The following PLEKHA5 variants were observed in gnomAD, a reference collection of about 807,000 sequenced individuals.
PLEKHA5 encodes pleckstrin homology domain-containing family A member 5.
In PLEKHA5, 55 loss-of-function variants were observed where a neutral mutation model predicts 181.9. The observed-to-expected ratio is 0.30, with a 90% CI of 0.24 to 0.38. PLEKHA5 has a LOEUF of 0.38. Ranked by LOEUF, PLEKHA5 falls within the 10% of genes least tolerant of loss-of-function variation. PLEKHA5 has a pLI of 1.00. For synonymous variants in PLEKHA5, 535 were observed against 529.4 expected (o/e 1.01, Z -0.15); for missense variants, 1,432 against 1,549.5 (o/e 0.92, Z 1.27).
At chr12:19,135,286 G>T (rs1400685559) in intron 3 of PLEKHA5, among the ~76,000 whole-genome samples, 1 of 152,128 alleles carries the variant, frequency 6.6e-6, no homozygotes, top group African/African-American at 2.4e-5. Flanking sequence ...GTGGTAAGAG[G>T]AGAGGATTGT....
At chr12:19,216,201 G>A (rs1438087870) in intron 3 of PLEKHA5, among the ~76,000 whole-genome samples, 1 of 152,088 alleles carries the variant, frequency 6.6e-6, no homozygotes, top group Non-Finnish European at 1.5e-5. Flanking sequence ...AACACTGGGT[G>A]GTATAATAGA....
At chr12:19,275,834 T>C (rs1243661435) in intron 11 of PLEKHA5, among the ~76,000 whole-genome samples, 2 of 152,204 alleles carry the variant, frequency 1.3e-5, no homozygotes, top group Non-Finnish European at 2.9e-5. Flanking sequence ...TTTCTTAATA[T>C]ATTTATTTTG....
intron 11 of PLEKHA5, among the ~76,000 whole-genome samples, chr12:19,281,328 G>C (rs1274147926): frequency 6.6e-6 from 1 of 151,988 alleles, no homozygotes; most frequent in Non-Finnish European, 1.5e-5. Context: ...TGTAATCCTG[G>C]CACTTTAGGA....
At chr12:19,166,351 G>A (rs992457545) in intron 3 of PLEKHA5, among the ~76,000 whole-genome samples, 2 of 152,142 alleles carry the variant, frequency 1.3e-5, no homozygotes, top group Non-Finnish European at 2.9e-5. Context: ...TAAATGTCTT[G>A]CATCTAATGT....
chr12:19,254,595 C>T (rs1024090117), intron 4 of PLEKHA5, among the ~76,000 whole-genome samples: 2 of 151,966 alleles, frequency 1.3e-5, no homozygotes, highest in Admixed American at 6.5e-5. Flanking sequence ...CCAAGGTGGG[C>T]GAATCACTTG....
chr12:19,287,407 C>T, intron 12 of PLEKHA5, 66 bp from the exon 13 acceptor site: 4 of 867,168 alleles, frequency 4.6e-6, no homozygotes, highest in Non-Finnish European at 5.8e-6. Context: ...AAGATTTCTC[C>T]TTGCTGACAT....
intron 8 of PLEKHA5, among the ~76,000 whole-genome samples, chr12:19,266,388 G>A (rs569022190): frequency 2.5e-4 from 38 of 152,078 alleles, no homozygotes; most frequent in African/African-American, 8.9e-4. Flanking sequence ...GGAGGCCGAG[G>A]TGAAAGGATC....
At chr12:19,145,196 G>C (rs1239630057) in intron 3 of PLEKHA5, among the ~76,000 whole-genome samples, 1 of 152,056 alleles carries the variant, frequency 6.6e-6, no homozygotes, top group Non-Finnish European at 1.5e-5. Flanking sequence ...GTGTGTGAGA[G>C]AGAGAGAGAC....
At chr12:19,353,155 A>T (rs1437254604) in intron 25 of PLEKHA5, among the ~76,000 whole-genome samples, 3 of 148,506 alleles carry the variant, frequency 2.0e-5, no homozygotes, top group African/African-American at 5.0e-5. Context: ...TTATTTATTT[A>T]TTTTTTTATT....
rs555354650 is a variant in PLEKHA5, at chr12:19,228,326, C to A, written c.228-25614C>A. On this transcript the variant is annotated intron_variant, in intron 3 of 31. Transcript: ENST00000429027. ...GCATTATACAACTAAGCCAAACTAA[C>A]CATTTCATTTTTACCCCAATATATT... 2.6e-5 allele frequency among the ~76,000 whole-genome samples: 4 copies of A among 152,308 alleles called. No individual in the cohort carries two copies. In the East Asian group the frequency reaches 7.7e-4, roughly 29 times the overall value.
intron 5 of PLEKHA5, 57 bp downstream of exon 5, chr12:19,255,222 T>C: frequency 9.6e-7 from 1 of 1,036,510 alleles, no homozygotes; most frequent in Non-Finnish European, 1.3e-6. Context: ...ATCTATACCG[T>C]TACTCATAAT....
At chr12:19,268,051 A>G (rs892159626) in intron 8 of PLEKHA5, among the ~76,000 whole-genome samples, 1 of 152,308 alleles carries the variant, frequency 6.6e-6, no homozygotes, top group East Asian at 1.9e-4. Context: ...GACGGCCTCA[A>G]TGAGAAGGTA....
chr12:19,168,535 T>C (rs1162838790), intron 3 of PLEKHA5, among the ~76,000 whole-genome samples: 1 of 150,958 alleles, frequency 6.6e-6, no homozygotes, highest in Non-Finnish European at 1.5e-5. Flanking sequence ...GTAGGAGAAA[T>C]AAAATTTGAT....
At chr12:19,304,863 C>T (rs188653051) in intron 15 of PLEKHA5, among the ~76,000 whole-genome samples, 53 of 151,386 alleles carry the variant, frequency 3.5e-4, no homozygotes, top group Middle Eastern at 3.4e-3. Context: ...GGGAGGCCAA[C>T]ACGGGTGGAT....
intron 21 of PLEKHA5, among the ~76,000 whole-genome samples, chr12:19,338,421 A>G (rs2093623566): frequency 6.6e-6 from 1 of 151,904 alleles, no homozygotes; most frequent in Admixed American, 6.5e-5. Context: ...GAAGTTTGAG[A>G]CCAGCCTGGC....
rs555341586 is a variant in PLEKHA5 at position 19,200,768 on chromosome 12, A to G, written c.228-53172A>G. 7 of 717,106 alleles carry G rather than the reference A, an allele frequency of 9.8e-6. No homozygotes were observed. The East Asian group carries it at 6.5e-4, about 67-fold the overall frequency. 44.4% of individuals were successfully genotyped at this position (717,106 alleles called of 1,614,324 possible). Reference sequence around the variant, plus strand: ...TCACTGGGGGAAAATGAATGATTCAATAAATGATGTTATGATAATTAGATA... The same window carrying G: ...TCACTGGGGGAAAATGAATGATTCAGTAAATGATGTTATGATAATTAGATA... On this transcript the variant is annotated intron_variant, in intron 3 of 31. Transcript: ENST00000429027.
At chr12:19,181,372 A>G (rs1195416008) in intron 3 of PLEKHA5, among the ~76,000 whole-genome samples, 1 of 152,266 alleles carries the variant, frequency 6.6e-6, no homozygotes, top group Non-Finnish European at 1.5e-5. Flanking sequence ...ATAATTGTAT[A>G]GCATTGAAAT....
chr12:19,278,426 A>G (rs1362453852), intron 11 of PLEKHA5, among the ~76,000 whole-genome samples: 1 of 152,166 alleles, frequency 6.6e-6, no homozygotes, highest in Non-Finnish European at 1.5e-5. Flanking sequence ...TTTTAGATTG[A>G]TAATGTATGT....
intron 3 of PLEKHA5, among the ~76,000 whole-genome samples, chr12:19,247,936 AG>A (rs1354622494): frequency 1.0e-3 from 120 of 116,304 alleles, no homozygotes; most frequent in African/African-American, 4.0e-3. Flanking sequence ...TAAAAAAAAA[AG>A]AGAGAGAGAG....
Sources: gnomAD v4.1 joint callset for allele counts (sites outside exome capture counted in the v4.1 genomes callset) on GRCh38, gnomAD v4.1.1 for gene constraint, MANE v1.5 for transcripts, NCBI Gene and HGNC (gene_info 2026-07-23, HGNC 2026-07-21) for gene names.